Variants in EIF4E3 observed in about 807,000 individuals in gnomAD.
The protein encoded by EIF4E3 is eukaryotic translation initiation factor 4E type 3.
A neutral mutation model predicts 31.7 loss-of-function variants in EIF4E3; 26 were observed. The observed-to-expected ratio is 0.82, with a 90% confidence interval of 0.60 to 1.14. EIF4E3 has a LOEUF of 1.14. EIF4E3 is among the 50% of genes most tolerant of loss of function. The pLI, the probability that EIF4E3 is intolerant of heterozygous loss-of-function variation, is 0.00. For missense variants in EIF4E3, 304 were observed against 270.9 expected (o/e 1.12, Z -0.86); for synonymous variants, 128 against 107.7 (o/e 1.19, Z -1.17).
In EIF4E3 at chr3:71,725,179, CG is replaced by C. The variant is rs1233229781; in HGVS notation, c.176+12del. 4 of 1,086,462 alleles carry C rather than the reference CG, an allele frequency of 3.7e-6. No individual in the cohort carries two copies. Among genetic ancestry groups the C allele is most frequent in the East Asian group, 6.9e-5 (1 of 14,532 alleles). The allele number at this position is 1,086,462 out of a possible 1,614,324, so 67.3% of individuals were successfully genotyped here. A position where few individuals can be genotyped will look rare whatever the true frequency, so the allele number is the denominator to read the frequency against. ...GGTCGGGGCCGTGCGCGGCGGGCCC[CG>C]CGCCCCCTCACCTGTCGAGCCAGAA... On this transcript the variant is annotated intron_variant, in intron 1 of 6. Transcript: ENST00000425534. This position sits in a 1 kb window ranked among gnomAD's most constrained non-coding sequence, Gnocchi z 6.1.
rs1169388157 is a variant in EIF4E3 at position 71,679,090 on chromosome 3, T to C, written c.*5592A>G. On this transcript the variant is annotated 3_prime_UTR_variant, in exon 7 of 7. Coordinates refer to ENST00000425534, the MANE Select transcript of EIF4E3 (RefSeq NM_001134651.2). ...ATTTAATGTATATCCACAGCATCAATACCTCTATTTGAAAACAGAAACACT... is the reference window on the plus strand; with the variant it reads ...ATTTAATGTATATCCACAGCATCAACACCTCTATTTGAAAACAGAAACACT... 2 of 152,204 alleles carry C rather than the reference T, an allele frequency of 1.3e-5. No homozygotes were observed. Among genetic ancestry groups the C allele is most frequent in the African/African-American group, 4.8e-5 (2 of 41,470 alleles). 9.4% of individuals were successfully genotyped at this position (152,204 alleles called of 1,614,324 possible). A position where few individuals can be genotyped will look rare whatever the true frequency, so the allele number is the denominator to read the frequency against.
chr3:71,693,396 G>C (rs1024693956), intron 5 of EIF4E3, among the ~76,000 whole-genome samples: 1 of 152,168 alleles, frequency 6.6e-6, no homozygotes, highest in African/African-American at 2.4e-5. Context: ...AGGGGACAGA[G>C]AGAACAAGAC....
chr3:71,720,065 A>T (rs1399790667), intron 1 of EIF4E3, among the ~76,000 whole-genome samples: 4 of 152,086 alleles, frequency 2.6e-5, no homozygotes, highest in Non-Finnish European at 5.9e-5. Flanking sequence ...TTCCACTTAA[A>T]AAAGCAATAT....
chr3:71,729,631 C>T (rs927909382), upstream of EIF4E3, among the ~76,000 whole-genome samples: 2 of 152,130 alleles, frequency 1.3e-5, no homozygotes, highest in African/African-American at 2.4e-5. Context: ...TGTCAAGTCC[C>T]TGGTATATAG....
At chr3:71,699,514 T>C (rs1005504806) in intron 3 of EIF4E3, 100 bp downstream of exon 3, 3 of 1,074,408 alleles carry the variant, frequency 2.8e-6, no homozygotes, top group Non-Finnish European at 4.2e-6. Context: ...ACTTTCTATG[T>C]TGTCCATGTG....
At chr3:71,735,973 C>T (rs11709303) in intron 1 of EIF4E3, among the ~76,000 whole-genome samples, 2 of 151,830 alleles carry the variant, frequency 1.3e-5, no homozygotes, top group Non-Finnish European at 2.9e-5. Flanking sequence ...AAAATGAACA[C>T]CATGATTTTA....
chr3:71,666,869 G>A, the EIF4E3 span, among the ~76,000 whole-genome samples: 1 of 152,096 alleles, frequency 6.6e-6, no homozygotes, highest in Non-Finnish European at 1.5e-5. Context: ...AACTCGGGAG[G>A]TGGAGGTTGC....
chr3:71,736,649 GT>G (rs1226026334), intron 1 of EIF4E3, among the ~76,000 whole-genome samples: 1 of 152,236 alleles, frequency 6.6e-6, no homozygotes, highest in African/African-American at 2.4e-5. Flanking sequence ...GGGTTCAGGT[GT>G]AGGAGAGGAA....
chr3:71,711,766 C>T (rs1012136786), intron 1 of EIF4E3, among the ~76,000 whole-genome samples: 14 of 152,148 alleles, frequency 9.2e-5, no homozygotes, highest in African/African-American at 3.4e-4. Flanking sequence ...CACTTGAGGA[C>T]AGGAGTTTGA....
upstream of EIF4E3, chr3:71,754,150 C>A: frequency 6.9e-7 from 1 of 1,459,142 alleles, no homozygotes; most frequent in Non-Finnish European, 9.1e-7. This position sits in a 1 kb window ranked among gnomAD's most constrained non-coding sequence, Gnocchi z 5.8. Flanking sequence ...GTGAGCCTAG[C>A]GGGCAACGTG....
At chr3:71,747,988 GATCAT>G (rs542362941) in intron 1 of EIF4E3, among the ~76,000 whole-genome samples, 2 of 152,342 alleles carry the variant, frequency 1.3e-5, no homozygotes, top group South Asian at 4.1e-4. Flanking sequence ...GATATGCAGT[GATCAT>G]TTTTCTTCCT....
chr3:71,672,587 T>G (rs72628640), downstream of EIF4E3, among the ~76,000 whole-genome samples: 9,542 of 152,154 alleles, frequency 0.063, 861 homozygotes, highest in East Asian at 0.48. Context: ...AGTTCTTTTG[T>G]ATCCATCTCA....
intron 1 of EIF4E3, among the ~76,000 whole-genome samples, chr3:71,747,229 A>G (rs1488226850): frequency 2.0e-5 from 3 of 152,104 alleles, no homozygotes; most frequent in Admixed American, 6.5e-5. Flanking sequence ...CAGCTGTATC[A>G]TTTTCCACCC....
At chr3:71,708,679 G>A (rs1307144603) in intron 2 of EIF4E3, among the ~76,000 whole-genome samples, 1 of 152,038 alleles carries the variant, frequency 6.6e-6, no homozygotes, top group Non-Finnish European at 1.5e-5. Context: ...ATGTGGGTTG[G>A]GAAAAGTCTA....
rs1336255482 is a variant in EIF4E3, at chr3:71,677,936, T to A, written c.*6746A>T. 6.6e-6 allele frequency: 1 copy of A among 152,118 alleles called. No homozygotes were observed. The highest frequency in any genetic ancestry group is 1.5e-5 in the Non-Finnish European group (1 of 68,002). The allele number at this position is 152,118 out of a possible 1,614,324, so 9.4% of individuals were successfully genotyped here. On this transcript the variant is annotated 3_prime_UTR_variant, in exon 7 of 7. Transcript: ENST00000425534. The stretch of plus-strand genomic sequence containing the variant: ...CTTAATAGAGGGTAAAGAAAAAGAA[T>A]TAAAATAAGCAAGATACGTTTTCTA...
At chr3:71,660,104 C>T in the EIF4E3 span, among the ~76,000 whole-genome samples, 2 of 152,190 alleles carry the variant, frequency 1.3e-5, no homozygotes, top group East Asian at 3.8e-4. Flanking sequence ...AGAAGCTCTG[C>T]TCTAGGGGGC....
At chr3:71,747,644 T>C (rs1201614172) in intron 1 of EIF4E3, among the ~76,000 whole-genome samples, 1 of 152,224 alleles carries the variant, frequency 6.6e-6, no homozygotes, top group Admixed American at 6.5e-5. Flanking sequence ...TATGTATTTT[T>C]TTCTTTTGTC....
upstream of EIF4E3, chr3:71,754,151 G>T (rs761912546): frequency 2.1e-6 from 3 of 1,460,294 alleles, no homozygotes; most frequent in Middle Eastern, 2.3e-4. The surrounding 1 kb of genome is among the most constrained non-coding windows in gnomAD (Gnocchi z 5.8). Flanking sequence ...TGAGCCTAGC[G>T]GGCAACGTGC....
At chr3:71,720,248 T>C (rs1273425152) in intron 1 of EIF4E3, among the ~76,000 whole-genome samples, 2 of 151,880 alleles carry the variant, frequency 1.3e-5, no homozygotes, top group Non-Finnish European at 2.9e-5. Context: ...GGTGTGATCA[T>C]AGTTCACCGC....
Sources: gnomAD v4.1 joint callset for allele counts (sites outside exome capture counted in the v4.1 genomes callset) on GRCh38, gnomAD v4.1.1 for gene constraint, Gnocchi (gnomAD v3.1) non-coding constraint, MANE v1.5 for transcripts, NCBI Gene and HGNC (gene_info 2026-07-23, HGNC 2026-07-21) for gene names.